The following PRKG1 variants were observed in gnomAD, a reference collection of about 807,000 sequenced individuals.
PRKG1 encodes the protein protein kinase cGMP-dependent 1, also known as cGMP-dependent protein kinase 1.
PRKG1 carries 35 observed loss-of-function variants against 88.1 expected under a neutral mutation model. The observed-to-expected ratio is 0.40, with a 90% CI of 0.30 to 0.53. The LOEUF is 0.53. Among genes scored for constraint, PRKG1 ranks in the 20% least tolerant of loss-of-function variants. The probability of loss-of-function intolerance (pLI) is 0.59; values close to 1 mark genes in which losing one functional copy is unlikely to be tolerated. For missense variants in PRKG1, 540 were observed against 839.8 expected (o/e 0.64, Z 4.41); for synonymous variants, 303 against 292.5 (o/e 1.04, Z -0.37).
chr10:51,598,863 G>A (rs6480366), intron 3 of PRKG1, among the ~76,000 whole-genome samples: 126,513 of 152,104 alleles, frequency 0.83, 52,748 homozygotes, highest in South Asian at 0.91. Context: ...AATAAAAGGG[G>A]TGAGAAGAGA....
At chr10:51,718,388 C>T (rs945284657) in intron 3 of PRKG1, among the ~76,000 whole-genome samples, 8 of 151,928 alleles carry the variant, frequency 5.3e-5, no homozygotes, top group Admixed American at 1.3e-4. Flanking sequence ...TACTGTGGGC[C>T]GGGGAAGGCG....
In PRKG1 at chr10:52,257,856, C is replaced by T. The variant is rs1270187559; in HGVS notation, c.1173+6190C>T. On this transcript the variant is annotated intron_variant, in intron 10 of 17. Coordinates refer to ENST00000373980, the MANE Select transcript of PRKG1 (RefSeq NM_006258.4). Reference sequence around the variant, plus strand: ...TCCCATCTAATAAACACTAATTGAGCATCAGTAGGTGTAGTAACAATATAC... The same window carrying T: ...TCCCATCTAATAAACACTAATTGAGTATCAGTAGGTGTAGTAACAATATAC... Among the ~76,000 whole-genome samples, 10 of 139,308 alleles carry T rather than the reference C, an allele frequency of 7.2e-5. 3 individuals are homozygous for T. Among genetic ancestry groups the T allele is most frequent in the Non-Finnish European group, 3.2e-5 (2 of 61,706 alleles). The allele number at this position is 139,308 out of a possible 152,430, so 91.4% of individuals were successfully genotyped here.
rs548358086 is a variant in PRKG1, at chr10:51,566,988, A to G, written c.592+99152A>G. 9.9e-5 allele frequency among the ~76,000 whole-genome samples: 15 copies of G among 152,144 alleles called. No homozygotes were observed. The East Asian group carries it at 2.9e-3, about 29-fold the overall frequency. ...GTAGTGGTAACTATGGGAGGTGATAATATGTTAATTAGTTTAATTGTGATT... is the reference window on the plus strand; with the variant it reads ...GTAGTGGTAACTATGGGAGGTGATAGTATGTTAATTAGTTTAATTGTGATT... On this transcript the variant is annotated intron_variant, in intron 3 of 17. Coordinates refer to ENST00000373980, the MANE Select transcript of PRKG1 (RefSeq NM_006258.4).
intron 9 of PRKG1, among the ~76,000 whole-genome samples, chr10:52,226,131 T>A (rs995564159): frequency 6.6e-6 from 1 of 151,958 alleles, no homozygotes. Context: ...TTGCTAAAAG[T>A]ACTTCATGAT....
chr10:51,122,415 A>G (rs1313044989), intron 1 of PRKG1, among the ~76,000 whole-genome samples: 1 of 152,172 alleles, frequency 6.6e-6, no homozygotes, highest in Admixed American at 6.5e-5. Context: ...ACTTTTCCAG[A>G]TAATGGCTAA....
intron 5 of PRKG1, among the ~76,000 whole-genome samples, chr10:51,944,608 T>C (rs1434081440): frequency 4.6e-5 from 7 of 152,020 alleles, no homozygotes; most frequent in East Asian, 1.9e-4. Flanking sequence ...ATAAATTTCC[T>C]TCTACACACT....
rs12569985 is a variant in PRKG1, at chr10:51,651,367, T to C, written c.593-153218T>C. ...TGTACTTCCCTACTTTTCTGTTCTG[T>C]ATGATATCCTTTTGCCTATGGTGGG... is the stretch of plus-strand genomic sequence containing the variant. On this transcript the variant is annotated intron_variant, in intron 3 of 17. Transcript: ENST00000373980. Among the ~76,000 whole-genome samples the C allele has an allele frequency of 5.9e-5, 9 of 152,196 alleles. No individual in the cohort carries two copies. In the East Asian group the frequency reaches 1.8e-3, roughly 30 times the overall value.
Position 51,033,423 on chromosome 10 carries a change from T to C in PRKG1, c.266+41779T>C, listed in dbSNP as rs1843312728. Among the ~76,000 whole-genome samples, 3 of 152,182 alleles carry C rather than the reference T, an allele frequency of 2.0e-5. No individual in the cohort carries two copies. The South Asian group carries it at 6.2e-4, about 32-fold the overall frequency. On this transcript the variant is annotated intron_variant, in intron 1 of 17. Transcript: ENST00000401604. ...TGTCTCACAGCTAGTAAGTCGTAAG[T>C]GATGGAGCCACAATTTGAAGTCAGT... is the stretch of plus-strand genomic sequence containing the variant.
At chr10:52,101,651 A>G (rs1294257792) in intron 7 of PRKG1, among the ~76,000 whole-genome samples, 2 of 152,132 alleles carry the variant, frequency 1.3e-5, no homozygotes, top group African/African-American at 4.8e-5. Context: ...GACCAACCCT[A>G]TGAGGTAGAT....
chr10:51,753,617 T>C (rs1837783277), intron 3 of PRKG1, among the ~76,000 whole-genome samples: 1 of 152,216 alleles, frequency 6.6e-6, no homozygotes, highest in South Asian at 2.1e-4. Flanking sequence ...GGATTTCATT[T>C]AGAGAGCCCA....
chr10:51,406,199 A>G (rs896932845), intron 2 of PRKG1, among the ~76,000 whole-genome samples: 1 of 152,180 alleles, frequency 6.6e-6, no homozygotes, highest in Non-Finnish European at 1.5e-5. Context: ...GAACTCAACC[A>G]ATGAAATCAA....
chr10:51,982,474 G>A (rs773777569), intron 5 of PRKG1, among the ~76,000 whole-genome samples: 26 of 152,244 alleles, frequency 1.7e-4, no homozygotes, highest in East Asian at 5.8e-4. Flanking sequence ...AGTCGCTGAC[G>A]TTTTGATTTA....
intron 10 of PRKG1, among the ~76,000 whole-genome samples, chr10:52,266,269 A>G (rs191740420): frequency 1.0e-3 from 155 of 151,974 alleles, no homozygotes; most frequent in African/African-American, 3.6e-3. Context: ...TTTGTTACAT[A>G]GGTAAACATG....
intron 2 of PRKG1, among the ~76,000 whole-genome samples, chr10:51,316,868 T>TA (rs1283812766): frequency 5.9e-5 from 9 of 152,180 alleles, no homozygotes; most frequent in African/African-American, 1.9e-4. Flanking sequence ...GGCTTTTTTA[T>TA]TCTGAATGAG....
At chr10:51,938,304 A>G (rs897413786) in intron 5 of PRKG1, among the ~76,000 whole-genome samples, 4 of 152,102 alleles carry the variant, frequency 2.6e-5, no homozygotes, top group Non-Finnish European at 5.9e-5. Flanking sequence ...TTTATAAATT[A>G]AACTTTATCA....
chr10:51,971,049 T>C (rs1843703212), intron 5 of PRKG1, among the ~76,000 whole-genome samples: 1 of 151,510 alleles, frequency 6.6e-6, no homozygotes, highest in African/African-American at 2.4e-5. Flanking sequence ...ATGCAAAACA[T>C]TGATGAATCT....
chr10:52,009,395 C>T (rs1844825128), intron 5 of PRKG1, among the ~76,000 whole-genome samples: 1 of 151,930 alleles, frequency 6.6e-6, no homozygotes, highest in African/African-American at 2.4e-5. Flanking sequence ...AAGTCAAGAG[C>T]CAAATTAGGA....
chr10:51,623,120 C>A (rs1358049109), intron 3 of PRKG1, among the ~76,000 whole-genome samples: 2 of 152,214 alleles, frequency 1.3e-5, no homozygotes, highest in Non-Finnish European at 2.9e-5. Flanking sequence ...ACATTGATAT[C>A]TATTTTAGGT....
chr10:51,299,457 C>T (rs184113561), intron 2 of PRKG1: 2 of 440,150 alleles, frequency 4.5e-6, no homozygotes, highest in African/African-American at 2.0e-5. Context: ...CCACCCACCT[C>T]GGCCTCCCAG....
Sources: gnomAD v4.1 joint callset for allele counts (sites outside exome capture counted in the v4.1 genomes callset) on GRCh38, gnomAD v4.1.1 for gene constraint, MANE v1.5 for transcripts, NCBI Gene and HGNC (gene_info 2026-07-23, HGNC 2026-07-21) for gene names.